PKHD1: variants seen among roughly 807,000 people sequenced by gnomAD.
PKHD1 encodes the protein PKHD1 ciliary IPT domain containing fibrocystin/polyductin.
A neutral mutation model predicts 412.0 loss-of-function variants in PKHD1; 291 were observed. The ratio of observed to expected loss-of-function variants is 0.71; its 90% CI spans 0.64 to 0.78. The LOEUF is 0.78. Among genes scored for constraint, PKHD1 ranks in the 30% least tolerant of loss-of-function variants. PKHD1 has a pLI of 0.00. For synonymous variants in PKHD1, 1,777 were observed against 1,821.5 expected (o/e 0.98, Z 0.62); for missense variants, 4,825 against 4,950.7 (o/e 0.97, Z 0.76).
At chr6:51,992,021 T>A (rs1038536185) in intron 35 of PKHD1, among the ~76,000 whole-genome samples, 4 of 152,224 alleles carry the variant, frequency 2.6e-5, no homozygotes, top group African/African-American at 9.6e-5. Context: ...TCATTATGTC[T>A]CAATTTGAGT....
chr6:51,964,117 C>T (rs1025126332), intron 35 of PKHD1, among the ~76,000 whole-genome samples: 6 of 152,128 alleles, frequency 3.9e-5, no homozygotes, highest in Admixed American at 3.3e-4. Flanking sequence ...TTGTTTTCTT[C>T]TTACAGCATG....
intron 51 of PKHD1, among the ~76,000 whole-genome samples, chr6:51,836,118 C>T (rs554961337): frequency 6.6e-6 from 1 of 152,330 alleles, no homozygotes; most frequent in Admixed American, 6.5e-5. Flanking sequence ...ATCTGCAGAT[C>T]TGGAGTCCTA....
chr6:51,961,264 G>A (rs1011007182), intron 35 of PKHD1, among the ~76,000 whole-genome samples: 8 of 152,242 alleles, frequency 5.3e-5, no homozygotes, highest in South Asian at 2.1e-4. Context: ...CAGAAGAGCC[G>A]TTACGTTTTC....
At chr6:51,710,189 G>A (rs529246255) in intron 60 of PKHD1, among the ~76,000 whole-genome samples, 38 of 152,148 alleles carry the variant, frequency 2.5e-4, no homozygotes, top group Middle Eastern at 6.8e-3. Flanking sequence ...CAGCCTGAGC[G>A]ACAGAGCAAG....
At chr6:51,922,142 A>T (rs945243947) in intron 37 of PKHD1, among the ~76,000 whole-genome samples, 1 of 152,138 alleles carries the variant, frequency 6.6e-6, no homozygotes, top group Non-Finnish European at 1.5e-5. Context: ...GTTGATGTTG[A>T]TGCTGTTCCT....
At chr6:51,685,055 C>A (rs1777229442) in intron 60 of PKHD1, among the ~76,000 whole-genome samples, 1 of 152,068 alleles carries the variant, frequency 6.6e-6, no homozygotes, top group African/African-American at 2.4e-5. Context: ...CTGATTTTCC[C>A]TGAAATACAT....
intron 59 of PKHD1, 144 bp from the exon 60 acceptor site, chr6:51,744,686 T>C: frequency 1.5e-6 from 1 of 665,342 alleles, no homozygotes; most frequent in South Asian, 1.8e-5. Flanking sequence ...AAAATAAAAC[T>C]CTTTATGAAA....
At chr6:51,936,694 T>A (rs1787542947) in intron 36 of PKHD1, among the ~76,000 whole-genome samples, 1 of 151,896 alleles carries the variant, frequency 6.6e-6, no homozygotes, top group South Asian at 2.1e-4. Context: ...TGACGGGGAG[T>A]GTCAGAGATG....
intron 36 of PKHD1, among the ~76,000 whole-genome samples, chr6:51,947,699 T>C (rs1789677594): frequency 6.6e-6 from 1 of 152,140 alleles, no homozygotes; most frequent in Non-Finnish European, 1.5e-5. Context: ...TAAACACGTT[T>C]CTTATCAGTC....
chr6:51,616,606 C>A lies in PKHD1; in HGVS notation c.*2475G>T, dbSNP rs140656039. On this transcript the variant is annotated 3_prime_UTR_variant, in exon 67 of 67. Transcript: ENST00000371117. ...TTTAGCTAGATGCCAAAATTCCATG[C>A]CACATGCTAGAGCCTGGCAAGTTAC... is the stretch of plus-strand genomic sequence containing the variant. The A allele has an allele frequency of 5.0e-6, 2 of 397,160 alleles. No individual in the cohort carries two copies. Among genetic ancestry groups the A allele is most frequent in the African/African-American group, 4.1e-5 (2 of 48,442 alleles). 24.6% of individuals were successfully genotyped at this position (397,160 alleles called of 1,614,324 possible).
At chr6:51,894,742 A>G (rs1182834556) in intron 43 of PKHD1, among the ~76,000 whole-genome samples, 1 of 152,236 alleles carries the variant, frequency 6.6e-6, no homozygotes, top group African/African-American at 2.4e-5. Context: ...AAACATGAAG[A>G]TTAGGCCATC....
At chr6:51,960,694 G>A (rs142278014) in intron 35 of PKHD1, among the ~76,000 whole-genome samples, 239 of 152,220 alleles carry the variant, frequency 1.6e-3, no homozygotes, top group South Asian at 0.014. Context: ...GCAGAATGCC[G>A]ACTGACTTCA....
chr6:51,829,552 G>A (rs773662296), intron 52 of PKHD1, among the ~76,000 whole-genome samples: 8 of 152,146 alleles, frequency 5.3e-5, no homozygotes, highest in Admixed American at 3.3e-4. Flanking sequence ...AATGACTCAC[G>A]AGCTTGTTTA....
intron 57 of PKHD1, 50 bp downstream of exon 57, chr6:51,753,151 G>C (rs1284282781): frequency 6.5e-7 from 1 of 1,538,410 alleles, no homozygotes; most frequent in Non-Finnish European, 9.0e-7. Context: ...GGGTGTCCCA[G>C]ATGAATAGGC....
In PKHD1 at chr6:51,632,705, C is replaced by G. The variant is rs76572975; in HGVS notation, c.11525G>C (p.Arg3842Pro). 2 of 1,612,998 alleles carry G rather than the reference C, an allele frequency of 1.2e-6. No individual in the cohort carries two copies. Among genetic ancestry groups the G allele is most frequent in the South Asian group, 2.2e-5 (2 of 91,058 alleles). The part of the protein sequence containing the change: ...TSPPGVNFTA[R>P]SKPFAVLPVT... ...AGGCAAGACAGCAAATGGCTTGGAT[C>G]GAGCTGTAAAATTGACTCCTGTGGC... Residue 3842 changes from arginine to proline, a missense_variant, in exon 65 of 67, where the codon CGA (arginine) becomes CCA (proline). Transcript: ENST00000371117.
Position 51,892,499 on chromosome 6 carries a change from T to C in PKHD1, c.6997-5254A>G, listed in dbSNP as rs547633526. 2.3e-4 allele frequency among the ~76,000 whole-genome samples: 35 copies of C among 152,332 alleles called. No individual in the cohort carries two copies. The South Asian group carries it at 7.3e-3, about 32-fold the overall frequency. ...TGCATAGATACCAGGGATGCTGTTA[T>C]ACAGAGGATAGGCTCGACAACAAGG... On this transcript the variant is annotated intron_variant, in intron 43 of 66. Coordinates refer to ENST00000371117, the MANE Select transcript of PKHD1 (RefSeq NM_138694.4).
intron 46 of PKHD1, among the ~76,000 whole-genome samples, chr6:51,881,865 C>T (rs1325448772): frequency 6.6e-6 from 1 of 152,170 alleles, no homozygotes; most frequent in Non-Finnish European, 1.5e-5. Flanking sequence ...CACCAGGGGA[C>T]TCTTGTCCTG....
At chr6:51,629,038 C>T (rs1767623190) in intron 65 of PKHD1, among the ~76,000 whole-genome samples, 1 of 152,086 alleles carries the variant, frequency 6.6e-6, no homozygotes, top group Non-Finnish European at 1.5e-5. Flanking sequence ...TTGACCTTTT[C>T]CTTTCACTAT....
intron 55 of PKHD1, among the ~76,000 whole-genome samples, chr6:51,762,748 C>A (rs960206196): frequency 6.6e-6 from 1 of 151,476 alleles, no homozygotes; most frequent in Non-Finnish European, 1.5e-5. Flanking sequence ...ATTAGAAAGA[C>A]AAAGACTTAT....
Sources: allele counts gnomAD v4.1 joint callset (sites outside exome capture counted in the v4.1 genomes callset), GRCh38; gene constraint gnomAD v4.1.1; transcripts MANE v1.5; gene names NCBI Gene and HGNC (gene_info 2026-07-23, HGNC 2026-07-21).